Variants in PLXNC1 observed in about 807,000 individuals in gnomAD.
PLXNC1 encodes plexin C1.
Under a neutral mutation model 178.2 loss-of-function variants are expected in PLXNC1, and 75 were observed. The ratio of observed to expected loss-of-function variants is 0.42; its 90% confidence interval spans 0.35 to 0.51. The LOEUF is 0.51. PLXNC1 is among the 20% of genes least tolerant of loss of function. The pLI, the probability that PLXNC1 is intolerant of heterozygous loss-of-function variation, is 0.02. For missense variants in PLXNC1, 1,503 were observed against 1,984.4 expected, an observed-to-expected ratio of 0.76 and a Z score of 4.61; for synonymous variants, 790 against 779.9, an observed-to-expected ratio of 1.01 and a Z score of -0.22.
At position 94,169,189 on chromosome 12, in the gene PLXNC1, G is replaced by A. The variant is rs779819475; in HGVS notation, c.1099G>A (p.Ala367Thr). The A allele has an allele frequency of 1.4e-5, 22 of 1,613,494 alleles. No homozygotes were observed. Among genetic ancestry groups the A allele is most frequent in the Middle Eastern group, 3.3e-4 (2 of 6,084 alleles). Reference protein sequence around the residue: ...GDQPERVQPIASSTLIHSDLT... With the variant: ...GDQPERVQPITSSTLIHSDLT... ...TCAACCTGAAAGAGTCCAACCAATCGCATCATCTACCTTGATCCATTCCGA... is the reference window on the plus strand; with the variant it reads ...TCAACCTGAAAGAGTCCAACCAATCACATCATCTACCTTGATCCATTCCGA... Residue 367 changes from alanine to threonine, a missense_variant, in exon 2 of 31, where the codon GCA becomes ACA. This residue lies in a region of PLXNC1 where 615 missense variants were observed against 698.6 expected (regional missense o/e 0.88). Transcript: ENST00000258526.
At chr12:94,238,258 A>T (rs1222247501) in intron 10 of PLXNC1, among the ~76,000 whole-genome samples, 1 of 152,218 alleles carries the variant, frequency 6.6e-6, no homozygotes, top group African/African-American at 2.4e-5. Flanking sequence ...TGGACATTTT[A>T]TTCTTTGTAG....
intron 12 of PLXNC1, among the ~76,000 whole-genome samples, chr12:94,246,357 A>G (rs1019773082): frequency 6.6e-6 from 1 of 152,220 alleles, no homozygotes; most frequent in Admixed American, 6.5e-5. Flanking sequence ...GCAGGTCTCA[A>G]GTGCTGGGGC....
In PLXNC1 at chr12:94,150,047, C is replaced by T; in HGVS notation, c.1062+14C>T. On this transcript the variant is annotated intron_variant, in intron 1 of 30. Transcript: ENST00000258526. ...GAGAGCCACTGCGTAAGTCCTGCCC[C>T]CGGGGCGCCGCGGAGAGCGCTGCTG... The T allele has an allele frequency of 6.4e-7, 1 of 1,552,310 alleles. No homozygotes were observed. The highest frequency in any genetic ancestry group is 8.7e-7 in the Non-Finnish European group (1 of 1,153,062).
At chr12:94,230,041 C>G (rs537048264) in intron 9 of PLXNC1, among the ~76,000 whole-genome samples, 1 of 152,310 alleles carries the variant, frequency 6.6e-6, no homozygotes, top group African/African-American at 2.4e-5. Context: ...CACAGAACAG[C>G]TCTATCATCA....
chr12:94,209,730 C>T, intron 5 of PLXNC1, 26 bp downstream of exon 5: 3 of 1,374,546 alleles, frequency 2.2e-6, no homozygotes, highest in Non-Finnish European at 3.1e-6. Context: ...TTAATTTGTC[C>T]TCGTTGTATT....
chr12:94,256,564 C>G (rs1224055233), intron 17 of PLXNC1, among the ~76,000 whole-genome samples: 1 of 152,056 alleles, frequency 6.6e-6, no homozygotes, highest in East Asian at 1.9e-4. Context: ...ATTCGATTCC[C>G]CGAATCAGGA....
chr12:94,240,771 C>T (rs889658980), intron 11 of PLXNC1, 107 bp downstream of exon 11: 1 of 874,734 alleles, frequency 1.1e-6, no homozygotes, highest in African/African-American at 1.7e-5. Context: ...ATTCCAAATT[C>T]CTCTCACCGA....
At chr12:94,190,122 G>T (rs1481567650) in intron 4 of PLXNC1, among the ~76,000 whole-genome samples, 1 of 152,134 alleles carries the variant, frequency 6.6e-6, no homozygotes, top group Non-Finnish European at 1.5e-5. Context: ...CTTGAGAGGG[G>T]CCTGGGGAAG....
intron 5 of PLXNC1, 53 bp from the exon 6 acceptor site, chr12:94,219,963 G>A (rs540827220): frequency 1.9e-6 from 3 of 1,575,886 alleles, no homozygotes; most frequent in African/African-American, 2.7e-5. Context: ...GCTCTATGAT[G>A]GATGGAAATG....
In PLXNC1 at chr12:94,199,072, C is replaced by T. The variant is rs540821190; in HGVS notation, c.1440-10518C>T. 2.3e-4 allele frequency among the ~76,000 whole-genome samples: 35 copies of T among 152,236 alleles called. No individual in the cohort carries two copies. In the Middle Eastern group the frequency reaches 0.01, roughly 44 times the overall value. ...TAAAGCAGAAAAAGGAAATGGGGAG[C>T]GCTAGTTGGAGGCAGGGGGCGCTAA... On this transcript the variant is annotated intron_variant, in intron 4 of 30. Coordinates refer to ENST00000258526, the MANE Select transcript of PLXNC1 (RefSeq NM_005761.3).
At chr12:94,210,455 T>C (rs1432299016) in intron 5 of PLXNC1, among the ~76,000 whole-genome samples, 1 of 152,242 alleles carries the variant, frequency 6.6e-6, no homozygotes, top group Non-Finnish European at 1.5e-5. Context: ...TGAATAATTG[T>C]ACAGAGTCCT....
intron 23 of PLXNC1, among the ~76,000 whole-genome samples, chr12:94,290,755 C>CA (rs1967230593): frequency 6.6e-6 from 1 of 152,242 alleles, no homozygotes; most frequent in South Asian, 2.1e-4. Context: ...TCTAGGTTTC[C>CA]ACTCTTTCCA....
intron 7 of PLXNC1, 74 bp downstream of exon 7, chr12:94,224,389 C>T (rs555718140): frequency 1.1e-6 from 1 of 877,306 alleles, no homozygotes; most frequent in East Asian, 2.4e-5. Flanking sequence ...CCTCGATTTC[C>T]TAAAGAACTC....
intron 5 of PLXNC1, among the ~76,000 whole-genome samples, chr12:94,213,373 T>C (rs1037950979): frequency 2.6e-5 from 4 of 152,232 alleles, no homozygotes; most frequent in Non-Finnish European, 5.9e-5. Flanking sequence ...TATCTCATTG[T>C]GGTTTTGATT....
intron 2 of PLXNC1, 38 bp downstream of exon 2, chr12:94,169,331 T>C (rs1961752660): frequency 6.3e-7 from 1 of 1,579,944 alleles, no homozygotes; most frequent in Non-Finnish European, 8.7e-7. Context: ...TCTATTTTAA[T>C]GGTGATATTT....
intron 21 of PLXNC1, among the ~76,000 whole-genome samples, chr12:94,271,317 A>C (rs1965554220): frequency 6.6e-6 from 1 of 152,232 alleles, no homozygotes; most frequent in Non-Finnish European, 1.5e-5. Context: ...TTATTAGCCA[A>C]GAATATGGTT....
intron 15 of PLXNC1, among the ~76,000 whole-genome samples, chr12:94,252,064 A>T (rs2136069557): frequency 6.6e-6 from 1 of 152,346 alleles, no homozygotes. Flanking sequence ...GATTACACAG[A>T]TGGTATCTTG....
intron 2 of PLXNC1, among the ~76,000 whole-genome samples, chr12:94,177,051 A>ATG (rs1962075077): frequency 9.0e-6 from 1 of 111,524 alleles, no homozygotes; most frequent in African/African-American, 3.9e-5. Context: ...CATTTCATAT[A>ATG]TATGTGTGTG....
At chr12:94,168,611 C>G (rs1315148737) in intron 1 of PLXNC1, among the ~76,000 whole-genome samples, 1 of 152,166 alleles carries the variant, frequency 6.6e-6, no homozygotes, top group Non-Finnish European at 1.5e-5. Flanking sequence ...GTATCTTTAC[C>G]TTTTCACCCC....
Sources: allele counts gnomAD v4.1 joint callset (sites outside exome capture counted in the v4.1 genomes callset), GRCh38; gene constraint gnomAD v4.1.1; regional missense constraint gnomAD v4.1.1; transcripts MANE v1.5; gene names NCBI Gene and HGNC (gene_info 2026-07-23, HGNC 2026-07-21).